Variants in GMFB observed in about 807,000 individuals in gnomAD.
The protein encoded by GMFB is glia maturation factor beta.
In GMFB, 13 loss-of-function variants were observed where a neutral mutation model predicts 25.6. That is an observed-to-expected ratio of 0.51 (90% CI 0.33 to 0.81). The LOEUF (loss-of-function observed/expected upper bound fraction) is 0.81. GMFB is among the 30% of genes least tolerant of loss of function. GMFB has a pLI of 0.02. For synonymous variants in GMFB, 57 were observed against 56.9 expected (o/e 1.00, Z 0.00); for missense variants, 146 against 175.4 (o/e 0.83, Z 0.95).
chr14:54,483,326 A>AT (rs2031738088), intron 2 of GMFB: 1 of 201,140 alleles, frequency 5.0e-6, no homozygotes, highest in South Asian at 1.1e-4. Context: ...AAAGGTTTCT[A>AT]TTTGAGGATG....
At chr14:54,482,052 A>G in intron 3 of GMFB, 101 bp downstream of exon 3, 1 of 737,678 alleles carries the variant, frequency 1.4e-6, no homozygotes, top group Non-Finnish European at 2.4e-6. Flanking sequence ...TATTTAAAGG[A>G]GGTTCAAGAT....
At chr14:54,485,968 C>T (rs183922188) in intron 1 of GMFB, among the ~76,000 whole-genome samples, 155 of 152,208 alleles carry the variant, frequency 1.0e-3, no homozygotes, top group African/African-American at 3.3e-3. Context: ...AACCAGACCC[C>T]GGGCCGGGCA....
chr14:54,481,197 G>A (rs969079397), intron 4 of GMFB: 5 of 579,238 alleles, frequency 8.6e-6, no homozygotes, highest in East Asian at 2.8e-5. Flanking sequence ...TATTGTACAC[G>A]TTATAATAAA....
chr14:54,488,942 T>A lies in GMFB; in HGVS notation c.-15A>T, dbSNP rs745834468. 7.1e-6 allele frequency: 11 copies of A among 1,559,608 alleles called. No homozygotes were observed. Among genetic ancestry groups the A allele is most frequent in the Non-Finnish European group, 9.5e-6 (11 of 1,155,928 alleles). On this transcript the variant is annotated 5_prime_UTR_variant, in exon 1 of 7. Transcript: ENST00000358056. ...CAACTCACCATTTTCCTTCCGGCCG[T>A]CAGCGGCCTGTCGCCTACACTCGGG... is the stretch of plus-strand genomic sequence containing the variant.
At chr14:54,483,844 C>G (rs2031746528) in intron 1 of GMFB, 77 bp from the exon 2 acceptor site, 2 of 792,190 alleles carry the variant, frequency 2.5e-6, no homozygotes. Flanking sequence ...AACCTAATAC[C>G]TTTATAATGC....
intron 5 of GMFB, chr14:54,480,405 A>T (rs1047400463): frequency 1.3e-5 from 2 of 157,484 alleles, no homozygotes; most frequent in Non-Finnish European, 2.8e-5. Context: ...AGTTCTGGTG[A>T]TAATGAATTC....
At chr14:54,487,868 G>T (rs988939785) in intron 1 of GMFB, among the ~76,000 whole-genome samples, 1 of 152,284 alleles carries the variant, frequency 6.6e-6, no homozygotes, top group Admixed American at 6.5e-5. Flanking sequence ...GATGAAACCT[G>T]GGACTCCTTC....
At chr14:54,483,476 G>A (rs1230165724) in intron 2 of GMFB, 195 bp downstream of exon 2, 1 of 558,316 alleles carries the variant, frequency 1.8e-6, no homozygotes, top group Non-Finnish European at 3.2e-6. Flanking sequence ...TATGGGGGAG[G>A]TGGGACAATC....
intron 4 of GMFB, 75 bp from the exon 5 acceptor site, chr14:54,481,031 C>T: frequency 1.5e-6 from 1 of 675,180 alleles, no homozygotes; most frequent in Non-Finnish European, 2.6e-6. Context: ...AGCTACTGAG[C>T]TGCAAGTTTC....
Position 54,476,487 on chromosome 14 carries a change from A to G in GMFB, c.*1601T>C, listed in dbSNP as rs2031641917. 6.6e-6 allele frequency: 1 copy of G among 152,060 alleles called. No homozygotes were observed. Among genetic ancestry groups the G allele is most frequent in the South Asian group, 2.1e-4 (1 of 4,838 alleles). 9.4% of individuals were successfully genotyped at this position (152,060 alleles called of 1,614,324 possible). On this transcript the variant is annotated 3_prime_UTR_variant, in exon 7 of 7. Transcript: ENST00000358056. ...AAAGAATTTTTAAACTTCCTGGGTG[A>G]GTTTTCTCTTCTCTCTGGAAATTGG... is the stretch of plus-strand genomic sequence containing the variant.
intron 6 of GMFB, chr14:54,478,550 G>A (rs192773129): frequency 2.2e-4 from 34 of 153,670 alleles, no homozygotes; most frequent in Non-Finnish European, 3.9e-4. Flanking sequence ...AGGAACATAC[G>A]CTGGTCTTCC....
rs2031701934 is a variant in GMFB, at chr14:54,480,869, C to T, written c.283+5G>A. 1 of 1,416,148 alleles carries T rather than the reference C, an allele frequency of 7.1e-7. No homozygotes were observed. Among genetic ancestry groups the T allele is most frequent in the Admixed American group, 1.9e-5 (1 of 53,184 alleles). 87.7% of individuals were successfully genotyped at this position (1,416,148 alleles called of 1,614,324 possible). A position where few individuals can be genotyped will look rare whatever the true frequency, so the allele number is the denominator to read the frequency against. On this transcript the variant is annotated splice_donor_5th_base_variant and intron_variant, in intron 5 of 6. Transcript: ENST00000358056. ...AATATGTGTTATTTAAAGAAATTCA[C>T]TTACCAACAGGACTGGAGAAAATAA...
rs1456320349 is a variant in GMFB at position 54,477,357 on chromosome 14, AGT to A, written c.*729_*730del. 1.3e-5 allele frequency: 2 copies of A among 152,488 alleles called. No homozygotes were observed. The highest frequency in any genetic ancestry group is 4.8e-5 in the African/African-American group (2 of 41,454). 9.4% of individuals were successfully genotyped at this position (152,488 alleles called of 1,614,324 possible). On this transcript the variant is annotated 3_prime_UTR_variant, in exon 7 of 7. Transcript: ENST00000358056. ...GGACATTGAGGTGCTTTATAAATAA[AGT>A]GTTATTAACCTAGATTCAAAACTGT...
At chr14:54,484,411 T>C (rs1049810444) in intron 1 of GMFB, among the ~76,000 whole-genome samples, 4 of 152,042 alleles carry the variant, frequency 2.6e-5, no homozygotes, top group African/African-American at 7.2e-5. Flanking sequence ...TTAGAGACTA[T>C]TATGAACACT....
In GMFB at chr14:54,476,036, T is replaced by C. The variant is rs1009453559; in HGVS notation, c.*2052A>G. 2.2e-4 allele frequency: 33 copies of C among 152,214 alleles called. No homozygotes were observed. The highest frequency in any genetic ancestry group is 7.9e-4 in the African/African-American group (33 of 41,572). The allele number at this position is 152,214 out of a possible 1,614,324, so 9.4% of individuals were successfully genotyped here. A position where few individuals can be genotyped will look rare whatever the true frequency, so the allele number is the denominator to read the frequency against. Reference sequence around the variant, plus strand: ...AGCACGGGATTTGTAAATTTCCCCATAGGACAGATGGAATAAAAATGTCCT... The same window carrying C: ...AGCACGGGATTTGTAAATTTCCCCACAGGACAGATGGAATAAAAATGTCCT... On this transcript the variant is annotated 3_prime_UTR_variant, in exon 7 of 7. Transcript: ENST00000358056.
At chr14:54,484,238 CAA>C in intron 1 of GMFB, among the ~76,000 whole-genome samples, 1 of 151,806 alleles carries the variant, frequency 6.6e-6, no homozygotes, top group East Asian at 1.9e-4. Flanking sequence ...ATATAAGCAA[CAA>C]AAGTGTTAAA....
chr14:54,474,975 A>G lies in GMFB; in HGVS notation c.*3113T>C, dbSNP rs2140028576. 1 of 152,718 alleles carries G rather than the reference A, an allele frequency of 6.5e-6. No individual in the cohort carries two copies. The highest frequency in any genetic ancestry group is 1.9e-4 in the East Asian group (1 of 5,192). 9.5% of individuals were successfully genotyped at this position (152,718 alleles called of 1,614,324 possible). ...AGATTTGTCCAGAAATGTTTGAAAC[A>G]CATCCTCACAAAAGTTGTAATGGCT... On this transcript the variant is annotated 3_prime_UTR_variant, in exon 7 of 7. Coordinates refer to ENST00000358056, the MANE Select transcript of GMFB (RefSeq NM_004124.3).
In GMFB at chr14:54,476,983, G is replaced by A. The variant is rs544750012; in HGVS notation, c.*1105C>T. 5 of 152,018 alleles carry A rather than the reference G, an allele frequency of 3.3e-5. No individual in the cohort carries two copies. The South Asian group carries it at 1.0e-3, about 32-fold the overall frequency. 9.4% of individuals were successfully genotyped at this position (152,018 alleles called of 1,614,324 possible). A position where few individuals can be genotyped will look rare whatever the true frequency, so the allele number is the denominator to read the frequency against. ...GTTCAGAATATCTTCTGACATTTAG[G>A]ATATAAGATGTGATTGCTATTGAAG... On this transcript the variant is annotated 3_prime_UTR_variant, in exon 7 of 7. Transcript: ENST00000358056.
At chr14:54,486,915 A>C (rs979749851) in intron 1 of GMFB, among the ~76,000 whole-genome samples, 3 of 152,004 alleles carry the variant, frequency 2.0e-5, no homozygotes, top group Non-Finnish European at 4.4e-5. Flanking sequence ...GAGTAAGCAA[A>C]AAAAAGGGTT....
Sources: allele counts gnomAD v4.1 joint callset (sites outside exome capture counted in the v4.1 genomes callset), GRCh38; gene constraint gnomAD v4.1.1; transcripts MANE v1.5; gene names NCBI Gene and HGNC (gene_info 2026-07-23, HGNC 2026-07-21).